Variants in PRKD1 observed in about 807,000 individuals in gnomAD.
PRKD1 encodes protein kinase D1, also known as serine/threonine-protein kinase D1.
Under a neutral mutation model 95.9 loss-of-function variants are expected in PRKD1, and 63 were observed. The observed-to-expected ratio is 0.66, with a 90% CI of 0.54 to 0.81. The LOEUF is 0.81. PRKD1 is among the 30% of genes least tolerant of loss of function. The pLI, the probability that PRKD1 is intolerant of heterozygous loss-of-function variation, is 0.00. For missense variants in PRKD1, 1,048 were observed against 1,165.3 expected (o/e 0.90, Z 1.47); for synonymous variants, 425 against 423.1 (o/e 1.00, Z -0.05).
chr14:29,910,167 G>T (rs1002151394), intron 1 of PRKD1, among the ~76,000 whole-genome samples: 2 of 152,100 alleles, frequency 1.3e-5, no homozygotes, highest in African/African-American at 4.8e-5. Flanking sequence ...TCACTGCGAA[G>T]GTCTGCAACT....
chr14:29,732,761 G>GT (rs1886501750), intron 1 of PRKD1, among the ~76,000 whole-genome samples: 1 of 152,100 alleles, frequency 6.6e-6, no homozygotes, highest in African/African-American at 2.4e-5. Flanking sequence ...TCTTTAAAAT[G>GT]TAATTCCCTT....
chr14:29,924,768 A>C (rs1487872837), intron 1 of PRKD1, among the ~76,000 whole-genome samples: 6 of 152,152 alleles, frequency 3.9e-5, no homozygotes, highest in Admixed American at 1.3e-4. Context: ...TCCAAAAAAA[A>C]ACTGAAATAA....
chr14:29,913,748 G>A (rs1201390096), intron 1 of PRKD1, among the ~76,000 whole-genome samples: 1 of 152,168 alleles, frequency 6.6e-6, no homozygotes, highest in Non-Finnish European at 1.5e-5. Context: ...AGGAAAGCTA[G>A]GCATGCGTGA....
At chr14:29,911,902 G>C (rs61979989) in intron 1 of PRKD1, among the ~76,000 whole-genome samples, 7 of 152,086 alleles carry the variant, frequency 4.6e-5, no homozygotes, top group Admixed American at 1.3e-4. Context: ...GCTACTCCTC[G>C]AATAATTCCA....
intron 2 of PRKD1, among the ~76,000 whole-genome samples, chr14:29,700,988 G>T (rs186620731): frequency 6.6e-5 from 6 of 90,568 alleles, no homozygotes; most frequent in African/African-American, 2.6e-4. Flanking sequence ...GCGCGCGCGC[G>T]CACACACACA....
chr14:29,863,689 A>G (rs1233528396), intron 1 of PRKD1, among the ~76,000 whole-genome samples: 1 of 152,178 alleles, frequency 6.6e-6, no homozygotes, highest in East Asian at 1.9e-4. Flanking sequence ...TAACCAAAGT[A>G]CATGAGGAAA....
At chr14:29,892,453 A>G (rs929373401) in intron 1 of PRKD1, among the ~76,000 whole-genome samples, 1 of 150,988 alleles carries the variant, frequency 6.6e-6, no homozygotes, top group African/African-American at 2.5e-5. Flanking sequence ...AAAAAAAAAA[A>G]ACAGCATTAC....
At chr14:29,765,011 G>A (rs1455006409) in intron 1 of PRKD1, among the ~76,000 whole-genome samples, 4 of 151,936 alleles carry the variant, frequency 2.6e-5, no homozygotes, top group Admixed American at 2.0e-4. Context: ...ATGAATTGGC[G>A]GCCCATTACT....
Position 29,720,984 on chromosome 14 carries a change from G to A in PRKD1, c.403+4552C>T, listed in dbSNP as rs998223436. Among the ~76,000 whole-genome samples, 4 of 152,060 alleles carry A rather than the reference G, an allele frequency of 2.6e-5. No individual in the cohort carries two copies. The East Asian group carries it at 5.8e-4, about 22-fold the overall frequency. On this transcript the variant is annotated intron_variant, in intron 2 of 17. Transcript: ENST00000331968. ...GGGGTGGGATAAAGGAAATGTCATCGCACTCTCACATAGCTGTAGCTCTCC... is the reference window on the plus strand; with the variant it reads ...GGGGTGGGATAAAGGAAATGTCATCACACTCTCACATAGCTGTAGCTCTCC...
chr14:29,823,386 G>A (rs1346621635), intron 1 of PRKD1, among the ~76,000 whole-genome samples: 2 of 152,046 alleles, frequency 1.3e-5, no homozygotes, highest in Non-Finnish European at 2.9e-5. Flanking sequence ...GTTATTCGCA[G>A]AGCCTATGTT....
intron 13 of PRKD1, among the ~76,000 whole-genome samples, chr14:29,609,503 C>T (rs200224810): frequency 9.8e-5 from 6 of 60,940 alleles, no homozygotes; most frequent in African/African-American, 3.4e-4. Context: ...TGTGTGTGTG[C>T]GTGCACACAC....
intron 1 of PRKD1, among the ~76,000 whole-genome samples, chr14:29,795,795 A>G (rs1889789159): frequency 6.6e-6 from 1 of 152,176 alleles, no homozygotes. Context: ...GCCCAAAAAT[A>G]TAAGAAATAG....
chr14:29,638,837 C>G lies in PRKD1; in HGVS notation c.764G>C (p.Arg255Pro). 1 of 1,612,366 alleles carries G rather than the reference C, an allele frequency of 6.2e-7. No individual in the cohort carries two copies. Reference sequence around the variant, plus strand: ...CAAAATCTTGTCAAGGTGAATTGGTCGTCCAATGTATGATTGAGAATTTGA... The same window carrying G: ...CAAAATCTTGTCAAGGTGAATTGGTGGTCCAATGTATGATTGAGAATTTGA... ...KRSNSQSYIG[R>P]PIHLDKILMS... is the part of the protein sequence containing the mutation. Residue 255 changes from arginine to proline, a missense_variant, in exon 5 of 18, where the codon CGA (arginine) becomes CCA (proline). Around this residue, in one of 3 missense-constraint regions of PRKD1, gnomAD observed 739 missense variants for 861.9 expected, o/e 0.86. Coordinates refer to ENST00000331968, the MANE Select transcript of PRKD1 (RefSeq NM_002742.3).
At chr14:29,852,635 A>G (rs750505310) in intron 1 of PRKD1, among the ~76,000 whole-genome samples, 15 of 152,214 alleles carry the variant, frequency 9.9e-5, no homozygotes, top group Non-Finnish European at 2.2e-4. Flanking sequence ...TTGTGACATC[A>G]AAAACTGAAA....
At chr14:29,749,588 C>T (rs544728426) in intron 1 of PRKD1, among the ~76,000 whole-genome samples, 7 of 152,278 alleles carry the variant, frequency 4.6e-5, no homozygotes, top group South Asian at 2.1e-4. Flanking sequence ...CAACTGTTTA[C>T]TTAATGGGTC....
intron 2 of PRKD1, among the ~76,000 whole-genome samples, chr14:29,702,739 G>A (rs951183603): frequency 6.6e-6 from 1 of 151,878 alleles, no homozygotes; most frequent in Admixed American, 6.6e-5. Flanking sequence ...GTCCTTTAGC[G>A]AAGTAATTAA....
intron 1 of PRKD1, among the ~76,000 whole-genome samples, chr14:29,851,458 C>A (rs1434934560): frequency 6.6e-6 from 1 of 151,944 alleles, no homozygotes; most frequent in Non-Finnish European, 1.5e-5. Context: ...TACAAGTGGC[C>A]AAAAACTACG....
At chr14:29,822,621 T>C (rs550744862) in intron 1 of PRKD1, among the ~76,000 whole-genome samples, 1 of 152,326 alleles carries the variant, frequency 6.6e-6, no homozygotes, top group East Asian at 1.9e-4. Flanking sequence ...GCAATCACTG[T>C]GTTTGCAGGC....
chr14:29,579,676 A>G (rs1258455671), intron 16 of PRKD1, among the ~76,000 whole-genome samples: 2 of 152,184 alleles, frequency 1.3e-5, no homozygotes, highest in African/African-American at 4.8e-5. Flanking sequence ...TCTTTTGGTA[A>G]TTGAGAACCA....
Sources: gnomAD v4.1 joint callset for allele counts (sites outside exome capture counted in the v4.1 genomes callset) on GRCh38, gnomAD v4.1.1 for gene constraint, gnomAD v4.1.1 regional missense constraint, MANE v1.5 for transcripts, NCBI Gene and HGNC (gene_info 2026-07-23, HGNC 2026-07-21) for gene names.